Variants in MNDA observed in about 807,000 individuals in gnomAD.
MNDA encodes myeloid cell nuclear differentiation antigen, also known as epididymis secretory sperm binding protein.
In MNDA, 43 loss-of-function variants were observed where a neutral mutation model predicts 37.8. That is an observed-to-expected ratio of 1.14 (90% CI 0.89 to 1.47). The LOEUF (loss-of-function observed/expected upper bound fraction) is 1.47. Ranked by LOEUF, MNDA falls within the 40% of genes most tolerant of loss-of-function variation. MNDA has a pLI of 0.00. For synonymous variants in MNDA, 181 were observed against 169.0 expected (o/e 1.07, Z -0.55); for missense variants, 536 against 476.0 (o/e 1.13, Z -1.17).
chr1:158,841,884 A>G (rs1331275806), intron 1 of MNDA, among the ~76,000 whole-genome samples: 1 of 152,236 alleles, frequency 6.6e-6, no homozygotes, highest in Non-Finnish European at 1.5e-5. Context: ...CCTGTTTCCA[A>G]ACATCATTTC....
chr1:158,834,266 C>G (rs949324706), intron 1 of MNDA, among the ~76,000 whole-genome samples: 2 of 146,006 alleles, frequency 1.4e-5, no homozygotes, highest in African/African-American at 5.1e-5. Flanking sequence ...GGAGTTTCGC[C>G]CTGTCGCCCA....
At chr1:158,834,637 T>C (rs1308145412) in intron 1 of MNDA, among the ~76,000 whole-genome samples, 2 of 152,212 alleles carry the variant, frequency 1.3e-5, no homozygotes, top group Non-Finnish European at 2.9e-5. Context: ...GTCTAATTTA[T>C]CTATTTTATT....
At chr1:158,833,206 C>A (rs1172029717) in intron 1 of MNDA, among the ~76,000 whole-genome samples, 1 of 152,142 alleles carries the variant, frequency 6.6e-6, no homozygotes, top group East Asian at 1.9e-4. Flanking sequence ...TGGCCTCCAA[C>A]ATTTCTTAGA....
chr1:158,833,685 A>C (rs535976446), intron 1 of MNDA, among the ~76,000 whole-genome samples: 1 of 152,326 alleles, frequency 6.6e-6, no homozygotes, highest in African/African-American at 2.4e-5. Context: ...GGGTAGAATA[A>C]TATTCCATTT....
chr1:158,847,672 C>T (rs556684054), intron 5 of MNDA, 56 bp from the exon 6 acceptor site: 57 of 1,511,122 alleles, frequency 3.8e-5, no homozygotes, highest in Non-Finnish European at 5.1e-5. Context: ...GACTCTTTCT[C>T]ATCTATATGA....
rs1199627553 is a variant in MNDA, at chr1:158,842,364, G to C, written c.211G>C (p.Asp71His). Reference sequence around the variant, plus strand: ...AGACAAACTAATAGAACTTGCCAAAGATATGCCATCACTTAAAAACCTTGT... The same window carrying C: ...AGACAAACTAATAGAACTTGCCAAACATATGCCATCACTTAAAAACCTTGT... Reference protein sequence around the residue: ...CLDKLIELAKDMPSLKNLVNN... With the variant: ...CLDKLIELAKHMPSLKNLVNN... The change falls in exon 2 of 7, where the codon GAT becomes CAT. Residue 71 changes from aspartate (D) to histidine (H), a missense_variant. Transcript: ENST00000368141. 1 of 1,613,624 alleles carries C rather than the reference G, an allele frequency of 6.2e-7. No homozygotes were observed. The highest frequency in any genetic ancestry group is 1.1e-5 in the South Asian group (1 of 91,068).
intron 1 of MNDA, among the ~76,000 whole-genome samples, chr1:158,841,637 C>G (rs911042060): frequency 1.3e-5 from 2 of 152,088 alleles, no homozygotes; most frequent in African/African-American, 2.4e-5. Context: ...TTCCACAACT[C>G]AGAACTGTAG....
chr1:158,844,766 T>C (rs1659099959), intron 4 of MNDA, among the ~76,000 whole-genome samples: 1 of 149,760 alleles, frequency 6.7e-6, no homozygotes, highest in Non-Finnish European at 1.5e-5. Flanking sequence ...TGTTTGATCA[T>C]TAGAACATCT....
intron 1 of MNDA, among the ~76,000 whole-genome samples, chr1:158,832,214 C>T (rs1338675725): frequency 6.6e-6 from 1 of 151,976 alleles, no homozygotes; most frequent in Non-Finnish European, 1.5e-5. Context: ...ATATTTCCTA[C>T]TTTGGGATAC....
rs763078972 is a variant in MNDA, at chr1:158,842,227, T to G, written c.74T>G (p.Ile25Ser). The G allele has an allele frequency of 6.2e-7, 1 of 1,613,884 alleles. No homozygotes were observed. The highest frequency in any genetic ancestry group is 1.1e-5 in the South Asian group (1 of 91,084). The change falls in exon 2 of 7, where the codon ATT becomes AGT. Residue 25 changes from isoleucine to serine, a missense_variant. Coordinates refer to ENST00000368141, the MANE Select transcript of MNDA (RefSeq NM_002432.3). ...ATGGATGATTATCATTTTACATCAATTAAGTCCTTACTGGCCTATGATTTA... is the reference window on the plus strand; with the variant it reads ...ATGGATGATTATCATTTTACATCAAGTAAGTCCTTACTGGCCTATGATTTA... ...ELMDDYHFTS[I>S]KSLLAYDLGL...
intron 1 of MNDA, among the ~76,000 whole-genome samples, chr1:158,835,614 GT>G (rs1428596690): frequency 3.2e-5 from 2 of 62,448 alleles, no homozygotes; most frequent in African/African-American, 1.2e-4. Flanking sequence ...CCTATTTTTG[GT>G]GGGGGCGGGG....
chr1:158,841,390 T>C (rs564469167), intron 1 of MNDA, among the ~76,000 whole-genome samples: 2 of 152,326 alleles, frequency 1.3e-5, no homozygotes, highest in East Asian at 1.9e-4. Context: ...AGAAACCTAC[T>C]TGGTTGTCTG....
intron 2 of MNDA, 115 bp downstream of exon 2, chr1:158,842,533 C>A: frequency 8.6e-7 from 1 of 1,159,020 alleles, no homozygotes; most frequent in Non-Finnish European, 1.2e-6. Context: ...ACTCAGCAGT[C>A]ATGGGGATGT....
chr1:158,839,241 C>A (rs1317853718), intron 1 of MNDA, among the ~76,000 whole-genome samples: 1 of 152,108 alleles, frequency 6.6e-6, no homozygotes, highest in Non-Finnish European at 1.5e-5. Context: ...CACTCTTCAG[C>A]TAAGTATGAA....
chr1:158,848,939 G>A (rs956433801), intron 6 of MNDA, among the ~76,000 whole-genome samples: 1 of 152,106 alleles, frequency 6.6e-6, no homozygotes, highest in Non-Finnish European at 1.5e-5. Flanking sequence ...GGTTAACCAG[G>A]ATACCACAGA....
chr1:158,839,874 G>A (rs545875903), intron 1 of MNDA, among the ~76,000 whole-genome samples: 1 of 152,126 alleles, frequency 6.6e-6, no homozygotes, highest in African/African-American at 2.4e-5. Flanking sequence ...AGTCTGGAAC[G>A]TCCTTGTCTG....
chr1:158,849,108 T>C (rs1289702334), intron 6 of MNDA, 82 bp from the exon 7 acceptor site: 6 of 1,014,332 alleles, frequency 5.9e-6, no homozygotes, highest in Middle Eastern at 2.1e-4. Flanking sequence ...AGAAAAGATA[T>C]GGCAGGTGAA....
intron 1 of MNDA, among the ~76,000 whole-genome samples, 160 bp from the exon 2 acceptor site, chr1:158,841,974 T>C (rs1235781566): frequency 6.6e-6 from 1 of 152,226 alleles, no homozygotes; most frequent in Non-Finnish European, 1.5e-5. Context: ...CAAGTCTTGA[T>C]CCATTGTTCA....
At chr1:158,839,716 A>G (rs926088309) in intron 1 of MNDA, among the ~76,000 whole-genome samples, 2 of 152,214 alleles carry the variant, frequency 1.3e-5, no homozygotes, top group African/African-American at 2.4e-5. Flanking sequence ...AACAGGGACA[A>G]AGAAAAACAC....
Sources: allele counts gnomAD v4.1 joint callset (sites outside exome capture counted in the v4.1 genomes callset), GRCh38; gene constraint gnomAD v4.1.1; transcripts MANE v1.5; gene names NCBI Gene and HGNC (gene_info 2026-07-23, HGNC 2026-07-21).